NALF1: variants seen among roughly 807,000 people sequenced by gnomAD.
NALF1 encodes the protein NALCN channel auxiliary factor 1, also known as family with sequence similarity 155 member A.
Under a neutral mutation model 48.4 loss-of-function variants are expected in NALF1, and 3 were observed. That is an observed-to-expected ratio of 0.06 (90% CI 0.03 to 0.16). The LOEUF is 0.16. Among genes scored for constraint, NALF1 ranks in the 10% least tolerant of loss-of-function variants. The pLI is 1.00. For synonymous variants in NALF1, 262 were observed against 245.7 expected, an observed-to-expected ratio of 1.07 and a Z score of -0.62; for missense variants, 526 against 571.5, an observed-to-expected ratio of 0.92 and a Z score of 0.81.
chr13:107,848,497 C>G (rs1027267338), intron 1 of NALF1, among the ~76,000 whole-genome samples: 1 of 152,282 alleles, frequency 6.6e-6, no homozygotes, highest in Non-Finnish European at 1.5e-5. Flanking sequence ...AATTACTTTT[C>G]CCTTCAAAAT....
chr13:107,458,050 C>A (rs1369019343), intron 1 of NALF1, among the ~76,000 whole-genome samples: 1 of 152,158 alleles, frequency 6.6e-6, no homozygotes, highest in African/African-American at 2.4e-5. Flanking sequence ...AAACCCAAAG[C>A]AGTGAGAAGG....
chr13:107,419,192 T>C (rs557901326), intron 1 of NALF1, among the ~76,000 whole-genome samples: 31 of 152,340 alleles, frequency 2.0e-4, no homozygotes, highest in Non-Finnish European at 4.0e-4. Context: ...CGTTTGGAGA[T>C]TTGCATGATT....
chr13:107,738,587 C>T (rs1566463537), intron 1 of NALF1, among the ~76,000 whole-genome samples: 1 of 152,160 alleles, frequency 6.6e-6, no homozygotes, highest in Non-Finnish European at 1.5e-5. Context: ...TAAAAACTTT[C>T]CCCCTTCATT....
intron 1 of NALF1, among the ~76,000 whole-genome samples, chr13:107,767,905 TG>T (rs1877459528): frequency 6.6e-6 from 1 of 151,874 alleles, no homozygotes. Flanking sequence ...AATTAAAGAG[TG>T]GGGAGAGATG....
chr13:107,757,638 T>C (rs983730190), intron 1 of NALF1, among the ~76,000 whole-genome samples: 5 of 152,270 alleles, frequency 3.3e-5, no homozygotes, highest in Middle Eastern at 3.4e-3. Context: ...GTTATGTGTA[T>C]ACACACACAT....
At chr13:107,768,909 C>T (rs1194508346) in intron 1 of NALF1, among the ~76,000 whole-genome samples, 1 of 152,080 alleles carries the variant, frequency 6.6e-6, no homozygotes, top group African/African-American at 2.4e-5. Context: ...CAAAAGAAGA[C>T]ATCTATGCAG....
rs762185778 is a variant in NALF1, at chr13:107,237,738, T to G, written c.916-26983A>C. Among the ~76,000 whole-genome samples the G allele has an allele frequency of 2.6e-5, 4 of 152,158 alleles. No individual in the cohort carries two copies. The East Asian group carries it at 7.7e-4, about 29-fold the overall frequency. On this transcript the variant is annotated intron_variant, in intron 1 of 2. Transcript: ENST00000375915. Reference sequence around the variant, plus strand: ...CAAGATTTTCCATCCACAGTTGAATTCAAAGATGGATGCAGAGGGACAACT... The same window carrying G: ...CAAGATTTTCCATCCACAGTTGAATGCAAAGATGGATGCAGAGGGACAACT...
At chr13:107,592,433 G>A (rs1406836405) in intron 1 of NALF1, among the ~76,000 whole-genome samples, 3 of 151,812 alleles carry the variant, frequency 2.0e-5, no homozygotes, top group Admixed American at 2.0e-4. Context: ...TATTATATAA[G>A]AGAGTTTTAT....
intron 2 of NALF1, among the ~76,000 whole-genome samples, chr13:107,189,787 G>A (rs1400959528): frequency 6.6e-6 from 1 of 152,192 alleles, no homozygotes; most frequent in African/African-American, 2.4e-5. Context: ...TCTCATAAAT[G>A]GGAAGGGTGC....
rs1401202384 is a variant in NALF1 at position 107,166,745 on chromosome 13, TCC to T, written c.*3750_*3751del. 5.9e-5 allele frequency: 9 copies of T among 152,024 alleles called. No homozygotes were observed. The highest frequency in any genetic ancestry group is 5.9e-4 in the Admixed American group (9 of 15,254). 9.4% of individuals were successfully genotyped at this position (152,024 alleles called of 1,614,324 possible). A position where few individuals can be genotyped will look rare whatever the true frequency, so the allele number is the denominator to read the frequency against. On this transcript the variant is annotated 3_prime_UTR_variant, in exon 3 of 3. Transcript: ENST00000375915. ...ATATGAAACCTCCTTTCCCCCTCATTCCCCGACTCTATCCCTCCCTTCTTCCC... is the reference window on the plus strand; with the variant it reads ...ATATGAAACCTCCTTTCCCCCTCATTCCGACTCTATCCCTCCCTTCTTCCC...
At chr13:107,403,628 A>G (rs1883850308) in intron 1 of NALF1, among the ~76,000 whole-genome samples, 1 of 152,072 alleles carries the variant, frequency 6.6e-6, no homozygotes, top group South Asian at 2.1e-4. Flanking sequence ...TCTGCAAAGC[A>G]GCAGTAAAAA....
intron 1 of NALF1, among the ~76,000 whole-genome samples, chr13:107,805,309 T>C (rs1041765102): frequency 3.3e-5 from 5 of 152,194 alleles, no homozygotes; most frequent in African/African-American, 1.2e-4. Context: ...AATTTGCATA[T>C]ATATCATCAA....
In NALF1 at chr13:107,861,133, A is replaced by G. The variant is rs1203887330; in HGVS notation, c.915+4549T>C. Among the ~76,000 whole-genome samples, 3 of 152,336 alleles carry G rather than the reference A, an allele frequency of 2.0e-5. No individual in the cohort carries two copies. In the South Asian group the frequency reaches 6.2e-4, roughly 32 times the overall value. On this transcript the variant is annotated intron_variant, in intron 1 of 2. Coordinates refer to ENST00000375915, the MANE Select transcript of NALF1 (RefSeq NM_001080396.3). ...ATCATAAATCAATAGTTGTACATGG[A>G]GCAAGAAGATAAAAAACATAAACCA... is the stretch of plus-strand genomic sequence containing the variant.
chr13:107,539,810 T>C (rs552355029), intron 1 of NALF1, among the ~76,000 whole-genome samples: 38 of 152,110 alleles, frequency 2.5e-4, no homozygotes, highest in Non-Finnish European at 5.0e-4. Flanking sequence ...AAATCATAAT[T>C]GGTGAAGCTA....
At chr13:107,438,856 A>AAAAAAAAAT (rs1555301014) in intron 1 of NALF1, among the ~76,000 whole-genome samples, 2 of 130,360 alleles carry the variant, frequency 1.5e-5, no homozygotes, top group African/African-American at 5.3e-5. Context: ...AAAAAAGAAT[A>AAAAAAAAAT]ATATAAAGGG....
At chr13:107,612,117 G>A (rs1290163536) in intron 1 of NALF1, among the ~76,000 whole-genome samples, 1 of 55,194 alleles carries the variant, frequency 1.8e-5, no homozygotes, top group Non-Finnish European at 3.6e-5. Context: ...AGGAAGGGGA[G>A]GGGGGAGGGG....
chr13:107,170,204 A>T lies in NALF1; in HGVS notation c.*293T>A, dbSNP rs1878769105. Reference sequence around the variant, plus strand: ...TAAATCCTGTATTAACAAGTGCAAAAAATAAACAAACAAATAAACCCAAAC... The same window carrying T: ...TAAATCCTGTATTAACAAGTGCAAATAATAAACAAACAAATAAACCCAAAC... On this transcript the variant is annotated 3_prime_UTR_variant, in exon 3 of 3. Transcript: ENST00000375915. 1 of 295,402 alleles carries T rather than the reference A, an allele frequency of 3.4e-6. No homozygotes were observed. Among genetic ancestry groups the T allele is most frequent in the South Asian group, 7.2e-5 (1 of 13,876 alleles). 18.3% of individuals were successfully genotyped at this position (295,402 alleles called of 1,614,324 possible).
chr13:107,813,929 A>G (rs3848035), intron 1 of NALF1, among the ~76,000 whole-genome samples: 30,648 of 152,070 alleles, frequency 0.2, 3,412 homozygotes, highest in Middle Eastern at 0.34. Context: ...TGGATTTTAG[A>G]TATAAACATA....
chr13:107,222,868 C>T (rs185292918), intron 1 of NALF1, among the ~76,000 whole-genome samples: 447 of 152,284 alleles, frequency 2.9e-3, no homozygotes, highest in Non-Finnish European at 4.6e-3. Flanking sequence ...TGAAAGAATG[C>T]CTCTAAACAC....
Sources: allele counts gnomAD v4.1 joint callset (sites outside exome capture counted in the v4.1 genomes callset), GRCh38; gene constraint gnomAD v4.1.1; transcripts MANE v1.5; gene names NCBI Gene and HGNC (gene_info 2026-07-23, HGNC 2026-07-21).